The following GLRA2 variants were observed in gnomAD, a reference collection of about 807,000 sequenced individuals.
The protein encoded by GLRA2 is glycine receptor alpha 2.
A neutral mutation model predicts 31.6 loss-of-function variants in GLRA2; 11 were observed. The observed-to-expected ratio is 0.35, with a 90% CI of 0.22 to 0.58. GLRA2 has a LOEUF of 0.58. GLRA2 is among the 20% of genes least tolerant of loss of function. The pLI is 0.84. For missense variants in GLRA2, 212 were observed against 351.8 expected, an observed-to-expected ratio of 0.60 and a Z score of 3.18; for synonymous variants, 132 against 134.0, an observed-to-expected ratio of 0.99 and a Z score of 0.10.
chrX:14,658,604 C>A (rs915974001), intron 7 of GLRA2, among the ~76,000 whole-genome samples: 5 of 110,972 alleles, frequency 4.5e-5, no homozygotes, highest in African/African-American at 1.6e-4. Flanking sequence ...CCTCCTTTTT[C>A]TTTCCAAATC....
chrX:14,465,701 A>G, the GLRA2 span, among the ~76,000 whole-genome samples: 3 of 112,286 alleles, frequency 2.7e-5, no homozygotes, highest in African/African-American at 9.7e-5. Flanking sequence ...TGCTCTAAAC[A>G]AGGATTGAAC....
chrX:14,633,113 G>C (rs1021337121), intron 7 of GLRA2, among the ~76,000 whole-genome samples: 4 of 111,938 alleles, frequency 3.6e-5, no homozygotes, highest in African/African-American at 1.3e-4. Context: ...ACACAACATA[G>C]AACAATAGAT....
the GLRA2 span, among the ~76,000 whole-genome samples, chrX:14,494,554 G>A: frequency 2.7e-5 from 3 of 111,138 alleles, no homozygotes; most frequent in African/African-American, 9.8e-5. Flanking sequence ...AAGTGTTGGT[G>A]ATCTTGTGAT....
intron 8 of GLRA2, among the ~76,000 whole-genome samples, chrX:14,716,984 A>G (rs2091795854): frequency 9.0e-6 from 1 of 110,515 alleles, no homozygotes; most frequent in African/African-American, 3.3e-5. Flanking sequence ...ACATATCTCA[A>G]AAATATGCCT....
At chrX:14,577,725 C>A (rs1171010496) in intron 3 of GLRA2, among the ~76,000 whole-genome samples, 1 of 111,401 alleles carries the variant, frequency 9.0e-6, no homozygotes, top group Non-Finnish European at 1.9e-5. Flanking sequence ...CCCGCTTCTA[C>A]CCTCCAATAC....
chrX:14,471,425 CT>C, the GLRA2 span, among the ~76,000 whole-genome samples: 1 of 111,533 alleles, frequency 9.0e-6, no homozygotes, highest in Non-Finnish European at 1.9e-5. Context: ...TTATAGTCCT[CT>C]TTTTTTCTCT....
chrX:14,496,388 CAG>C, the GLRA2 span, among the ~76,000 whole-genome samples: 1 of 111,670 alleles, frequency 9.0e-6, no homozygotes, highest in African/African-American at 3.3e-5. Flanking sequence ...TATGGTAACT[CAG>C]ATTGTTTTTT....
Position 14,580,732 on chromosome X carries a change from C to T in GLRA2, c.271-451C>T, listed in dbSNP as rs192296493. Among the ~76,000 whole-genome samples the T allele has an allele frequency of 3.0e-3, 340 of 112,041 alleles. 2 individuals are homozygous for T. Among genetic ancestry groups the T allele is most frequent in the African/African-American group, 0.01 (319 of 30,897 alleles). On this transcript the variant is annotated intron_variant, in intron 3 of 8. Coordinates refer to ENST00000218075, the MANE Select transcript of GLRA2 (RefSeq NM_002063.4). Reference sequence around the variant, plus strand: ...ATGTCATAGTTTTATAAGATTTTCACTACTCAAATTACGCAGTGGGTTTCC... The same window carrying T: ...ATGTCATAGTTTTATAAGATTTTCATTACTCAAATTACGCAGTGGGTTTCC...
At chrX:14,604,540 C>A (rs1238991637) in intron 5 of GLRA2, 143 bp downstream of exon 5, 2 of 255,588 alleles carry the variant, frequency 7.8e-6, no homozygotes, top group Non-Finnish European at 6.9e-6. Flanking sequence ...AAAGACAAAC[C>A]AAAGTGTGTG....
the GLRA2 span, among the ~76,000 whole-genome samples, chrX:14,490,797 A>G: frequency 3.6e-5 from 4 of 111,804 alleles, no homozygotes; most frequent in Non-Finnish European, 7.5e-5. Context: ...TGTATGGGGG[A>G]AAAACTTTAT....
At chrX:14,661,884 A>G (rs1449908172) in intron 7 of GLRA2, among the ~76,000 whole-genome samples, 1 of 108,204 alleles carries the variant, frequency 9.2e-6, no homozygotes, top group Non-Finnish European at 1.9e-5. Flanking sequence ...GAAAAAAAAA[A>G]AAAAAAAAGT....
intron 7 of GLRA2, among the ~76,000 whole-genome samples, chrX:14,685,179 G>A (rs2091261781): frequency 1.8e-5 from 2 of 111,688 alleles, no homozygotes; most frequent in Admixed American, 1.9e-4. Context: ...CTTGATCATG[G>A]TGGGTAAGCT....
chrX:14,451,952 C>G, the GLRA2 span, among the ~76,000 whole-genome samples: 1 of 110,912 alleles, frequency 9.0e-6, no homozygotes, highest in Non-Finnish European at 1.9e-5. Context: ...TTTTTTTCTA[C>G]AAAAAGAGGA....
intron 7 of GLRA2, among the ~76,000 whole-genome samples, chrX:14,665,258 G>A (rs1055867103): frequency 9.0e-6 from 1 of 111,706 alleles, no homozygotes; most frequent in African/African-American, 3.3e-5. Context: ...CCAAATGGGA[G>A]CCTGCTAATC....
At chrX:14,589,919 C>A (rs769992826) in intron 4 of GLRA2, among the ~76,000 whole-genome samples, 2 of 110,080 alleles carry the variant, frequency 1.8e-5, no homozygotes, top group Non-Finnish European at 1.9e-5. Context: ...TTACTGCATG[C>A]CTCCAGAATG....
At chrX:14,655,779 G>A (rs1391295840) in intron 7 of GLRA2, among the ~76,000 whole-genome samples, 1 of 111,665 alleles carries the variant, frequency 9.0e-6, no homozygotes, top group Non-Finnish European at 1.9e-5. Context: ...ACTGGGCTTC[G>A]TTGCCTGCAT....
intron 7 of GLRA2, among the ~76,000 whole-genome samples, chrX:14,624,302 T>C (rs1331195474): frequency 9.0e-6 from 1 of 111,446 alleles, no homozygotes; most frequent in Non-Finnish European, 1.9e-5. Flanking sequence ...AAAAACCAGC[T>C]CCTGGATTCA....
chrX:14,559,959 C>T (rs1012222933), intron 2 of GLRA2, among the ~76,000 whole-genome samples: 2 of 111,493 alleles, frequency 1.8e-5, no homozygotes, highest in Admixed American at 9.5e-5. Flanking sequence ...TCCTATCCTC[C>T]AAGGCTCTCT....
chrX:14,470,584 T>C, the GLRA2 span, among the ~76,000 whole-genome samples: 1 of 111,381 alleles, frequency 9.0e-6, no homozygotes, highest in Admixed American at 9.6e-5. Context: ...ATAATAGTCT[T>C]TATGTTGGGT....
Sources: gnomAD v4.1 joint callset for allele counts (sites outside exome capture counted in the v4.1 genomes callset) on GRCh38, gnomAD v4.1.1 for gene constraint, MANE v1.5 for transcripts, NCBI Gene and HGNC (gene_info 2026-07-23, HGNC 2026-07-21) for gene names.